The following GALNT7 variants were observed in gnomAD, a reference collection of about 807,000 sequenced individuals.
GALNT7 encodes polypeptide N-acetylgalactosaminyltransferase 7, also known as N-acetylgalactosaminyltransferase 7.
In GALNT7, 60 loss-of-function variants were observed where a neutral mutation model predicts 82.1. The ratio of observed to expected loss-of-function variants is 0.73; its 90% CI spans 0.59 to 0.91. The LOEUF (loss-of-function observed/expected upper bound fraction) is 0.91. Among genes scored for constraint, GALNT7 ranks in the 40% least tolerant of loss-of-function variants. The pLI is 0.00. For missense variants in GALNT7, 660 were observed against 804.2 expected, an observed-to-expected ratio of 0.82 and a Z score of 2.17; for synonymous variants, 243 against 275.1, an observed-to-expected ratio of 0.88 and a Z score of 1.15.
chr4:173,208,315 A>T (rs1444373591), intron 1 of GALNT7, among the ~76,000 whole-genome samples: 1 of 152,194 alleles, frequency 6.6e-6, no homozygotes, highest in East Asian at 1.9e-4. Context: ...GAAAATTTCT[A>T]TGCACTTCTT....
chr4:173,200,599 C>G (rs7667345), intron 1 of GALNT7, among the ~76,000 whole-genome samples: 2 of 152,114 alleles, frequency 1.3e-5, no homozygotes, highest in African/African-American at 4.8e-5. Flanking sequence ...TTGAATGGCA[C>G]GTATTCTCCA....
intron 1 of GALNT7, among the ~76,000 whole-genome samples, chr4:173,191,978 A>G (rs1332878039): frequency 1.3e-5 from 2 of 152,214 alleles, no homozygotes; most frequent in African/African-American, 2.4e-5. Context: ...ATGTGAAGAC[A>G]CTAACATTGT....
At chr4:173,173,107 G>A (rs183045301) in intron 1 of GALNT7, among the ~76,000 whole-genome samples, 2 of 152,258 alleles carry the variant, frequency 1.3e-5, no homozygotes. Flanking sequence ...AAGATGCAAA[G>A]GCATCAGGAT....
At position 173,248,087 on chromosome 4, in the gene GALNT7, A is replaced by G; in HGVS notation, c.234A>G (p.Val78=). The G allele has an allele frequency of 6.2e-7, 1 of 1,613,604 alleles. No individual in the cohort carries two copies. Among genetic ancestry groups the G allele is most frequent in the Non-Finnish European group, 8.5e-7 (1 of 1,179,552 alleles). Residue 78 remains valine, a synonymous_variant, in exon 2 of 12, where the codon GTA becomes GTG. Transcript: ENST00000265000. ...PVVPWPHVEG[V]EVDLESIRRI... is the part of the protein sequence containing the mutation. ...TACCATGGCCTCATGTTGAAGGAGT[A>G]GAAGTGGACTTAGAGTCTATTAGAA... is the stretch of plus-strand genomic sequence containing the variant.
rs768538862 is a variant in GALNT7, at chr4:173,314,033, G to A, written c.1465G>A (p.Ala489Thr). Reference protein sequence around the residue: ...YFYASRPESQALPYGDISELK... With the variant: ...YFYASRPESQTLPYGDISELK... ...CTATGCTAGTCGTCCTGAATCGCAG[G>A]CATTACCATATGGGGATATATCGGA... Residue 489 changes from alanine to threonine, a missense_variant, in exon 9 of 12, where the codon GCA becomes ACA. Transcript: ENST00000265000. The A allele has an allele frequency of 6.2e-7, 1 of 1,610,308 alleles. No homozygotes were observed. Among genetic ancestry groups the A allele is most frequent in the Non-Finnish European group, 8.5e-7 (1 of 1,176,662 alleles).
At chr4:173,251,445 A>G (rs1734844005) in intron 2 of GALNT7, among the ~76,000 whole-genome samples, 1 of 152,178 alleles carries the variant, frequency 6.6e-6, no homozygotes, top group African/African-American at 2.4e-5. Flanking sequence ...CAACATTCGA[A>G]TGTTTTCAGT....
chr4:173,219,787 C>A (rs1402575769), intron 1 of GALNT7, among the ~76,000 whole-genome samples: 1 of 151,936 alleles, frequency 6.6e-6, no homozygotes, highest in Non-Finnish European at 1.5e-5. Flanking sequence ...ATTTGTGTAT[C>A]TTCTTTTGAG....
At chr4:173,275,860 C>T (rs1306694598) in intron 2 of GALNT7, among the ~76,000 whole-genome samples, 1 of 152,140 alleles carries the variant, frequency 6.6e-6, no homozygotes, top group Non-Finnish European at 1.5e-5. Flanking sequence ...TTAGATTGAG[C>T]TGATTGGGAG....
intron 2 of GALNT7, among the ~76,000 whole-genome samples, chr4:173,268,770 A>G (rs1351506127): frequency 6.6e-6 from 1 of 150,546 alleles, no homozygotes; most frequent in African/African-American, 2.4e-5. Context: ...CAATCTCCTG[A>G]CCTCTTGATC....
rs900283200 is a variant in GALNT7 at position 173,323,879 on chromosome 4, T to G, written c.*2162T>G. 6.6e-6 allele frequency: 1 copy of G among 152,630 alleles called. No individual in the cohort carries two copies. Among genetic ancestry groups the G allele is most frequent in the African/African-American group, 2.4e-5 (1 of 41,470 alleles). 9.5% of individuals were successfully genotyped at this position (152,630 alleles called of 1,614,324 possible). A position where few individuals can be genotyped will look rare whatever the true frequency, so the allele number is the denominator to read the frequency against. ...AATTGTATAAATATTCAAAATTTTATTAGGATAAATTTGAGAAACTTACGT... is the reference window on the plus strand; with the variant it reads ...AATTGTATAAATATTCAAAATTTTAGTAGGATAAATTTGAGAAACTTACGT... On this transcript the variant is annotated 3_prime_UTR_variant, in exon 12 of 12. Coordinates refer to ENST00000265000, the MANE Select transcript of GALNT7 (RefSeq NM_017423.3).
At chr4:173,183,054 A>AC (rs1286703158) in intron 1 of GALNT7, among the ~76,000 whole-genome samples, 3 of 110,340 alleles carry the variant, frequency 2.7e-5, no homozygotes, top group African/African-American at 1.6e-4. Context: ...ACACACACAC[A>AC]CACACACACA....
At chr4:173,221,695 AC>A (rs1733649868) in intron 1 of GALNT7, among the ~76,000 whole-genome samples, 1 of 152,222 alleles carries the variant, frequency 6.6e-6, no homozygotes, top group Non-Finnish European at 1.5e-5. Context: ...TAGTTAATGA[AC>A]TATTTTAACT....
At chr4:173,285,226 C>A (rs768772388) in intron 2 of GALNT7, among the ~76,000 whole-genome samples, 12 of 152,166 alleles carry the variant, frequency 7.9e-5, no homozygotes, top group African/African-American at 1.9e-4. Flanking sequence ...ACACACCTTG[C>A]ATGCAAATCC....
At chr4:173,313,757 C>T (rs182378564) in intron 8 of GALNT7, among the ~76,000 whole-genome samples, 103 of 152,008 alleles carry the variant, frequency 6.8e-4, no homozygotes, top group Middle Eastern at 6.8e-3. Flanking sequence ...ATACTTTTTA[C>T]TTAAATACAC....
chr4:173,194,985 T>C (rs542625106), intron 1 of GALNT7, among the ~76,000 whole-genome samples: 1 of 152,380 alleles, frequency 6.6e-6, no homozygotes, highest in East Asian at 1.9e-4. Context: ...GCTAAATTTC[T>C]ACTTAGAATC....
intron 2 of GALNT7, among the ~76,000 whole-genome samples, chr4:173,271,238 AT>A (rs34064904): frequency 6.6e-6 from 1 of 152,124 alleles, no homozygotes; most frequent in African/African-American, 2.4e-5. Context: ...ATCAGGCTAG[AT>A]TTTTTGCCCA....
At chr4:173,177,061 T>G (rs1484510029) in intron 1 of GALNT7, among the ~76,000 whole-genome samples, 1 of 152,202 alleles carries the variant, frequency 6.6e-6, no homozygotes. Flanking sequence ...TGTTGATGCC[T>G]TTAGAAGGAA....
intron 1 of GALNT7, among the ~76,000 whole-genome samples, chr4:173,236,575 A>G (rs1267314822): frequency 6.6e-6 from 1 of 152,206 alleles, no homozygotes; most frequent in Non-Finnish European, 1.5e-5. Flanking sequence ...GGAACTTGCC[A>G]GTATCTCAAG....
intron 7 of GALNT7, among the ~76,000 whole-genome samples, chr4:173,303,285 A>G (rs946668471): frequency 2.6e-5 from 4 of 152,232 alleles, no homozygotes; most frequent in African/African-American, 9.6e-5. Context: ...AAGCACAGAT[A>G]AGGGATGGGA....
Sources: allele counts gnomAD v4.1 joint callset (sites outside exome capture counted in the v4.1 genomes callset), GRCh38; gene constraint gnomAD v4.1.1; transcripts MANE v1.5; gene names NCBI Gene and HGNC (gene_info 2026-07-23, HGNC 2026-07-21).